GALM: variants seen among roughly 807,000 people sequenced by gnomAD.
GALM encodes the protein galactose mutarotase.
A neutral mutation model predicts 37.4 loss-of-function variants in GALM; 43 were observed. The ratio of observed to expected loss-of-function variants is 1.15; its 90% CI spans 0.90 to 1.48. The LOEUF (loss-of-function observed/expected upper bound fraction) is 1.48. GALM is among the 40% of genes most tolerant of loss of function. The pLI is 0.00. For missense variants in GALM, 456 were observed against 419.1 expected, an observed-to-expected ratio of 1.09 and a Z score of -0.77; for synonymous variants, 199 against 170.6, an observed-to-expected ratio of 1.17 and a Z score of -1.30.
chr2:38,714,184 C>A (rs1666223600), intron 4 of GALM, among the ~76,000 whole-genome samples: 1 of 151,836 alleles, frequency 6.6e-6, no homozygotes, highest in Non-Finnish European at 1.5e-5. Context: ...GCATTATTAG[C>A]TCATTTAACT....
intron 4 of GALM, among the ~76,000 whole-genome samples, chr2:38,706,435 G>A (rs1165836716): frequency 7.3e-5 from 11 of 150,220 alleles, no homozygotes; most frequent in Non-Finnish European, 1.6e-4. Flanking sequence ...AGCACTTTGG[G>A]AGGTCGAGGC....
chr2:38,729,806 G>A (rs1216698987), intron 5 of GALM, 109 bp downstream of exon 5: 26 of 833,644 alleles, frequency 3.1e-5, no homozygotes, highest in Non-Finnish European at 4.8e-5. Context: ...TATGCTACAA[G>A]TGACCCAATA....
chr2:38,689,046 C>T (rs963000512), intron 3 of GALM, among the ~76,000 whole-genome samples: 1 of 152,218 alleles, frequency 6.6e-6, no homozygotes, highest in African/African-American at 2.4e-5. Flanking sequence ...TCTCGAACTC[C>T]TGACCTCAGG....
At chr2:38,685,287 T>A (rs1435549423) in intron 3 of GALM, among the ~76,000 whole-genome samples, 1 of 152,120 alleles carries the variant, frequency 6.6e-6, no homozygotes, top group East Asian at 1.9e-4. Flanking sequence ...CTTCCCTGAA[T>A]ATCTGGTCTA....
At chr2:38,699,476 G>C (rs1364522122) in intron 4 of GALM, among the ~76,000 whole-genome samples, 3 of 152,072 alleles carry the variant, frequency 2.0e-5, no homozygotes, top group African/African-American at 7.2e-5. Context: ...TAGTGCTTTA[G>C]AGCACTAGCA....
At chr2:38,678,044 T>G (rs1408806246) in intron 2 of GALM, among the ~76,000 whole-genome samples, 1 of 150,684 alleles carries the variant, frequency 6.6e-6, no homozygotes, top group Non-Finnish European at 1.5e-5. Flanking sequence ...GAGGCAGAGT[T>G]TTGCTTTCAT....
chr2:38,696,141 CAG>C (rs746605527), intron 4 of GALM, among the ~76,000 whole-genome samples: 1 of 150,664 alleles, frequency 6.6e-6, no homozygotes, highest in East Asian at 2.0e-4. Flanking sequence ...TCTTTTGAGA[CAG>C]AGTTTCGCTC....
At chr2:38,728,480 T>C (rs1212464087) in intron 4 of GALM, among the ~76,000 whole-genome samples, 1 of 149,988 alleles carries the variant, frequency 6.7e-6, no homozygotes, top group Non-Finnish European at 1.5e-5. Context: ...GCAGATCACC[T>C]GTCAGGAGTT....
chr2:38,689,709 A>G, intron 3 of GALM, 104 bp from the exon 4 acceptor site: 1 of 689,982 alleles, frequency 1.4e-6, no homozygotes, highest in Middle Eastern at 2.5e-4. Flanking sequence ...CAAGATTTTA[A>G]AAGTTTTTGT....
chr2:38,698,301 G>C, intron 4 of GALM: 3 of 774,024 alleles, frequency 3.9e-6, no homozygotes, highest in Non-Finnish European at 5.8e-6. Context: ...GCACTTAGGA[G>C]TCAGCAGTGG....
chr2:38,672,041 A>G (rs917108652), intron 1 of GALM, among the ~76,000 whole-genome samples: 3 of 151,848 alleles, frequency 2.0e-5, no homozygotes, highest in Non-Finnish European at 4.4e-5. Flanking sequence ...AAAAAAAAAA[A>G]CAACAAAAAA....
At chr2:38,681,009 G>A (rs958115915) in intron 2 of GALM, among the ~76,000 whole-genome samples, 12 of 152,024 alleles carry the variant, frequency 7.9e-5, no homozygotes, top group African/African-American at 2.9e-4. Flanking sequence ...AGTGGCTCAT[G>A]CCTGTAATCA....
chr2:38,667,892 C>G (rs1006941947), intron 1 of GALM, among the ~76,000 whole-genome samples: 1 of 152,162 alleles, frequency 6.6e-6, no homozygotes, highest in African/African-American at 2.4e-5. Flanking sequence ...TAACAGCTGA[C>G]CATAAAGAAA....
chr2:38,725,339 A>G (rs1482540811), intron 4 of GALM, among the ~76,000 whole-genome samples: 1 of 148,790 alleles, frequency 6.7e-6, no homozygotes, highest in Non-Finnish European at 1.5e-5. Flanking sequence ...GTTTGAAACC[A>G]GCCTGCGCAA....
intron 4 of GALM, among the ~76,000 whole-genome samples, chr2:38,714,676 G>A (rs1476167435): frequency 6.6e-6 from 1 of 152,180 alleles, no homozygotes; most frequent in African/African-American, 2.4e-5. Flanking sequence ...AAGAAAAACA[G>A]CAAAACTGAA....
At chr2:38,678,758 G>A (rs1665321267) in intron 2 of GALM, among the ~76,000 whole-genome samples, 1 of 152,148 alleles carries the variant, frequency 6.6e-6, no homozygotes, top group African/African-American at 2.4e-5. Flanking sequence ...TCTCCTTCCT[G>A]GCAAATGCCA....
chr2:38,672,181 C>A (rs556256553), intron 1 of GALM, among the ~76,000 whole-genome samples: 34 of 152,260 alleles, frequency 2.2e-4, no homozygotes, highest in African/African-American at 8.2e-4. Context: ...CTGCTGTTGG[C>A]TTTGTGGTTG....
intron 4 of GALM, among the ~76,000 whole-genome samples, chr2:38,704,832 C>G (rs1184390396): frequency 6.6e-6 from 1 of 152,138 alleles, no homozygotes; most frequent in Non-Finnish European, 1.5e-5. Flanking sequence ...AATGCAAAAA[C>G]TCCAAGGACC....
At chr2:38,683,306 C>CAT (rs1440580958) in intron 3 of GALM, among the ~76,000 whole-genome samples, 1 of 152,136 alleles carries the variant, frequency 6.6e-6, no homozygotes, top group Admixed American at 6.6e-5. Flanking sequence ...TTTCCTAGAT[C>CAT]ATAGACCCCA....
Sources: gnomAD v4.1 joint callset for allele counts (sites outside exome capture counted in the v4.1 genomes callset) on GRCh38, gnomAD v4.1.1 for gene constraint, MANE v1.5 for transcripts, NCBI Gene and HGNC (gene_info 2026-07-23, HGNC 2026-07-21) for gene names.